Variants in MARCHF6 observed in about 807,000 individuals in gnomAD.
The protein encoded by MARCHF6 is membrane associated ring-CH-type finger 6, also known as E3 ubiquitin-protein ligase MARCHF6.
Under a neutral mutation model 133.7 loss-of-function variants are expected in MARCHF6, and 31 were observed. That is an observed-to-expected ratio of 0.23 (90% CI 0.17 to 0.31). The LOEUF is 0.31. Among genes scored for constraint, MARCHF6 ranks in the 10% least tolerant of loss-of-function variants. The pLI, the probability that MARCHF6 is intolerant of heterozygous loss-of-function variation, is 1.00. For missense variants in MARCHF6, 723 were observed against 1,121.6 expected, an observed-to-expected ratio of 0.64 and a Z score of 5.08; for synonymous variants, 395 against 402.5, an observed-to-expected ratio of 0.98 and a Z score of 0.22.
intron 17 of MARCHF6, among the ~76,000 whole-genome samples, chr5:10,408,901 A>C (rs1739066566): frequency 6.6e-6 from 1 of 152,162 alleles, no homozygotes; most frequent in African/African-American, 2.4e-5. Flanking sequence ...TTGTTACATT[A>C]CTTTACAAAT....
At chr5:10,359,380 AT>A (rs1291816119) in intron 1 of MARCHF6, among the ~76,000 whole-genome samples, 1 of 151,984 alleles carries the variant, frequency 6.6e-6, no homozygotes, top group African/African-American at 2.4e-5. Context: ...GATTTTCTTA[AT>A]TTTTTTCTCT....
intron 1 of MARCHF6, 46 bp downstream of exon 1, chr5:10,353,963 G>A: frequency 6.6e-7 from 1 of 1,525,878 alleles, no homozygotes; most frequent in Non-Finnish European, 8.8e-7. Flanking sequence ...TCGGCGCCCG[G>A]GTTCGTACCC....
intron 1 of MARCHF6, among the ~76,000 whole-genome samples, chr5:10,368,748 T>C (rs1387836941): frequency 6.6e-6 from 1 of 152,068 alleles, no homozygotes; most frequent in African/African-American, 2.4e-5. Flanking sequence ...TTCTCGGTAA[T>C]TTTTAGTAGA....
chr5:10,433,792 T>C lies in MARCHF6; in HGVS notation c.*108T>C. 5.7e-6 allele frequency: 5 copies of C among 876,646 alleles called. No individual in the cohort carries two copies. The highest frequency in any genetic ancestry group is 9.3e-6 in the Non-Finnish European group (5 of 536,734). 54.3% of individuals were successfully genotyped at this position (876,646 alleles called of 1,614,324 possible). On this transcript the variant is annotated 3_prime_UTR_variant, in exon 26 of 26. Coordinates refer to ENST00000274140, the MANE Select transcript of MARCHF6 (RefSeq NM_005885.4). ...CTCTCAGCGTTGTTTTTAAGTTAAA[T>C]GTATTTGACTTGTGTTCTCAGCATT...
intron 8 of MARCHF6, 85 bp downstream of exon 8, chr5:10,394,228 T>G (rs1271972974): frequency 5.4e-6 from 4 of 735,832 alleles, no homozygotes; most frequent in Non-Finnish European, 6.4e-6. Flanking sequence ...TATACACTAA[T>G]GTTATCGTTA....
In MARCHF6 at chr5:10,433,775, G is replaced by A. The variant is rs779142248; in HGVS notation, c.*91G>A. 3.3e-5 allele frequency: 36 copies of A among 1,076,578 alleles called. No homozygotes were observed. Among genetic ancestry groups the A allele is most frequent in the African/African-American group, 1.2e-4 (8 of 64,044 alleles). 66.7% of individuals were successfully genotyped at this position (1,076,578 alleles called of 1,614,324 possible). ...AGATTTTTCCCAGTGATCTCTCAGC[G>A]TTGTTTTTAAGTTAAATGTATTTGA... On this transcript the variant is annotated 3_prime_UTR_variant, in exon 26 of 26. Transcript: ENST00000274140.
rs76425564 is a variant in MARCHF6, at chr5:10,404,899, C to T, written c.1333-659C>T. On this transcript the variant is annotated intron_variant, in intron 15 of 25. Coordinates refer to ENST00000274140, the MANE Select transcript of MARCHF6 (RefSeq NM_005885.4). The stretch of plus-strand genomic sequence containing the variant: ...TCTTAAAAATGTAATTATATGTGAA[C>T]TCCAGATTACTTCATTAAGTGAATA... Among the ~76,000 whole-genome samples, 338 of 152,270 alleles carry T rather than the reference C, an allele frequency of 2.2e-3. 1 individual carries two copies. Among genetic ancestry groups the T allele is most frequent in the African/African-American group, 7.8e-3 (322 of 41,542 alleles).
chr5:10,356,836 T>C (rs1038871621), intron 1 of MARCHF6, among the ~76,000 whole-genome samples: 13 of 152,212 alleles, frequency 8.5e-5, no homozygotes, highest in Non-Finnish European at 8.8e-5. Flanking sequence ...GTACCATATA[T>C]GATAGTCTGA....
Position 10,433,695 on chromosome 5 carries a change from T to C in MARCHF6, c.*11T>C. 2 of 1,607,370 alleles carry C rather than the reference T, an allele frequency of 1.2e-6. No homozygotes were observed. The highest frequency in any genetic ancestry group is 1.7e-6 in the Non-Finnish European group (2 of 1,173,778). On this transcript the variant is annotated 3_prime_UTR_variant, in exon 26 of 26. Transcript: ENST00000274140. ...TCATCCCAAGAATAAAGTAGTTGTCTCAACAACTTGACCTTCCCCTTTACA... is the reference window on the plus strand; with the variant it reads ...TCATCCCAAGAATAAAGTAGTTGTCCCAACAACTTGACCTTCCCCTTTACA...
intron 19 of MARCHF6, chr5:10,413,352 T>TA (rs1490562179): frequency 1.3e-5 from 2 of 152,214 alleles, no homozygotes; most frequent in African/African-American, 2.4e-5. Context: ...TTCACACAGT[T>TA]ACAGCTGACA....
At chr5:10,407,962 C>T (rs1361018396) in intron 17 of MARCHF6, among the ~76,000 whole-genome samples, 1 of 143,036 alleles carries the variant, frequency 7.0e-6, no homozygotes, top group Non-Finnish European at 1.5e-5. Flanking sequence ...ATCCCCCCCC[C>T]CCCAAAAAAA....
rs1027236484 is a variant in MARCHF6 at position 10,433,941 on chromosome 5, G to A, written c.*257G>A. The A allele has an allele frequency of 2.9e-5, 13 of 444,736 alleles. No homozygotes were observed. The highest frequency in any genetic ancestry group is 2.2e-4 in the African/African-American group (11 of 50,132). The allele number at this position is 444,736 out of a possible 1,614,324, so 27.5% of individuals were successfully genotyped here. A position where few individuals can be genotyped will look rare whatever the true frequency, so the allele number is the denominator to read the frequency against. ...CCTAAAACCTTGGATTAAACAGAAT[G>A]TGCATTGTACATCTTTAAACAAAAT... On this transcript the variant is annotated 3_prime_UTR_variant, in exon 26 of 26. Coordinates refer to ENST00000274140, the MANE Select transcript of MARCHF6 (RefSeq NM_005885.4).
chr5:10,370,174 C>T (rs999452278), intron 1 of MARCHF6, among the ~76,000 whole-genome samples: 1 of 133,862 alleles, frequency 7.5e-6, no homozygotes, highest in African/African-American at 2.8e-5. Context: ...CGTCATAGCT[C>T]GCTATAGCCT....
chr5:10,431,846 C>T (rs1271139782), intron 25 of MARCHF6, among the ~76,000 whole-genome samples: 1 of 152,050 alleles, frequency 6.6e-6, no homozygotes, highest in East Asian at 1.9e-4. Flanking sequence ...TTTAGTGTAT[C>T]TTGCTATTTA....
chr5:10,377,944 A>G (rs1434719312), intron 2 of MARCHF6, 50 bp downstream of exon 2: 16 of 1,036,102 alleles, frequency 1.5e-5, no homozygotes, highest in Non-Finnish European at 3.1e-6. Context: ...CAGTTTCGTC[A>G]TGTATACAGT....
intron 1 of MARCHF6, among the ~76,000 whole-genome samples, chr5:10,368,639 G>A (rs1736278849): frequency 6.6e-6 from 1 of 152,098 alleles, no homozygotes; most frequent in African/African-American, 2.4e-5. Flanking sequence ...GAGTGCAGTG[G>A]CGTCATCTCG....
intron 22 of MARCHF6, among the ~76,000 whole-genome samples, chr5:10,418,796 G>T (rs1454288620): frequency 6.6e-6 from 1 of 152,164 alleles, no homozygotes; most frequent in Non-Finnish European, 1.5e-5. Context: ...TAATTTTCCT[G>T]AGGAATTTAC....
chr5:10,400,527 C>G (rs1738463423), intron 10 of MARCHF6, among the ~76,000 whole-genome samples: 1 of 151,956 alleles, frequency 6.6e-6, no homozygotes, highest in South Asian at 2.1e-4. Flanking sequence ...GGTCATTATT[C>G]TTTTTGATGC....
intron 1 of MARCHF6, among the ~76,000 whole-genome samples, chr5:10,357,385 T>A (rs2126633365): frequency 6.6e-6 from 1 of 150,666 alleles, no homozygotes; most frequent in Non-Finnish European, 1.5e-5. Context: ...TTTTGCTAAA[T>A]TACTGCTTGT....
Sources: allele counts gnomAD v4.1 joint callset (sites outside exome capture counted in the v4.1 genomes callset), GRCh38; gene constraint gnomAD v4.1.1; transcripts MANE v1.5; gene names NCBI Gene and HGNC (gene_info 2026-07-23, HGNC 2026-07-21).